The following RUNX2 variants were observed in gnomAD, a reference collection of about 807,000 sequenced individuals.
RUNX2 encodes the protein runt-related transcription factor 2.
Under a neutral mutation model 51.7 loss-of-function variants are expected in RUNX2, and 10 were observed. The observed-to-expected ratio is 0.19, with a 90% confidence interval of 0.12 to 0.33. The LOEUF is 0.33. RUNX2 is among the 10% of genes least tolerant of loss of function. RUNX2 has a pLI of 1.00. For missense variants in RUNX2, 562 were observed against 691.3 expected, an observed-to-expected ratio of 0.81 and a Z score of 2.10; for synonymous variants, 276 against 273.6, an observed-to-expected ratio of 1.01 and a Z score of -0.09.
chr6:45,390,631 A>T (rs1797450722), intron 2 of RUNX2, among the ~76,000 whole-genome samples: 1 of 152,234 alleles, frequency 6.6e-6, no homozygotes, highest in Non-Finnish European at 1.5e-5. Context: ...TGAGAAGGTT[A>T]GCAGTTAAAA....
rs1303711059 is a variant in RUNX2 at position 45,500,229 on chromosome 6, T to C, written c.859+8115T>C. ...ATATCTCAGGGCTTCACACAGAGAG[T>C]TGGTGTACATTGACTGTGCAGTATT... On this transcript the variant is annotated intron_variant, in intron 6 of 8. Transcript: ENST00000647337. Among the ~76,000 whole-genome samples the C allele has an allele frequency of 2.6e-5, 4 of 151,954 alleles. No individual in the cohort carries two copies. In the East Asian group the frequency reaches 7.7e-4, roughly 29 times the overall value.
intron 7 of RUNX2, among the ~76,000 whole-genome samples, chr6:45,539,797 G>A (rs1475958716): frequency 6.6e-6 from 1 of 152,158 alleles, no homozygotes; most frequent in Admixed American, 6.5e-5. Context: ...TATAAGGTAG[G>A]ATCTGGAAGA....
At chr6:45,369,252 T>A (rs991173800) in intron 2 of RUNX2, among the ~76,000 whole-genome samples, 3 of 152,060 alleles carry the variant, frequency 2.0e-5, no homozygotes, top group Non-Finnish European at 4.4e-5. Context: ...TTTGAACCTT[T>A]ACCCCTACAG....
chr6:45,406,925 A>G (rs1272491521), intron 2 of RUNX2, among the ~76,000 whole-genome samples: 1 of 152,194 alleles, frequency 6.6e-6, no homozygotes, highest in East Asian at 1.9e-4. Flanking sequence ...GCTTTATTAA[A>G]TACTGAGTAG....
At chr6:45,329,367 A>G (rs910592549) in intron 2 of RUNX2, among the ~76,000 whole-genome samples, 3 of 152,006 alleles carry the variant, frequency 2.0e-5, no homozygotes, top group South Asian at 2.1e-4. Flanking sequence ...ACAACTTTAT[A>G]TAAGTATACA....
chr6:45,345,681 T>C (rs1050720033), intron 2 of RUNX2, among the ~76,000 whole-genome samples: 6 of 152,160 alleles, frequency 3.9e-5, no homozygotes, highest in East Asian at 1.9e-4. Context: ...ACTACTACAA[T>C]AGGTCTTTCC....
intron 5 of RUNX2, among the ~76,000 whole-genome samples, chr6:45,459,607 A>G (rs550710346): frequency 6.6e-6 from 1 of 152,372 alleles, no homozygotes; most frequent in Admixed American, 6.5e-5. Context: ...CTGCCATATG[A>G]CAGACATTCT....
chr6:45,370,558 A>G (rs1795887967), intron 2 of RUNX2, among the ~76,000 whole-genome samples: 1 of 152,208 alleles, frequency 6.6e-6, no homozygotes, highest in African/African-American at 2.4e-5. Context: ...AATCAATATA[A>G]TAGAACTTTG....
chr6:45,414,826 G>A (rs1370966534), intron 2 of RUNX2, among the ~76,000 whole-genome samples: 1 of 117,670 alleles, frequency 8.5e-6, no homozygotes, highest in Non-Finnish European at 1.7e-5. Context: ...TTTTGCCCAG[G>A]ATTTTGTTTA....
chr6:45,541,471 T>A (rs1302674978), intron 7 of RUNX2, among the ~76,000 whole-genome samples: 1 of 152,196 alleles, frequency 6.6e-6, no homozygotes, highest in African/African-American at 2.4e-5. Context: ...AGGTCTTGTG[T>A]ATTACATGTT....
In RUNX2 at chr6:45,331,711, G is replaced by A. The variant is rs73735376; in HGVS notation, c.58+2927G>A. On this transcript the variant is annotated intron_variant, in intron 2 of 8. Transcript: ENST00000647337. ...ACACTGAAAAGAAATTGTGGAAAAA[G>A]ATCTGGCTGGTCTGTCTGACTCTCC... 7.2e-3 allele frequency among the ~76,000 whole-genome samples: 1,094 copies of A among 151,904 alleles called. 19 individuals are homozygous for A. Among genetic ancestry groups the A allele is most frequent in the African/African-American group, 0.025 (1,042 of 41,466 alleles).
chr6:45,387,033 A>G (rs920158685), intron 2 of RUNX2, among the ~76,000 whole-genome samples: 3 of 152,206 alleles, frequency 2.0e-5, no homozygotes, highest in Admixed American at 1.3e-4. Context: ...GCTAGAGTTA[A>G]GTCAATGGAG....
chr6:45,538,074 C>A (rs2150445211), intron 7 of RUNX2, among the ~76,000 whole-genome samples: 1 of 152,298 alleles, frequency 6.6e-6, no homozygotes, highest in Middle Eastern at 3.4e-3. Context: ...TTGTCCACTT[C>A]TTGTATTTCA....
intron 5 of RUNX2, among the ~76,000 whole-genome samples, chr6:45,479,241 A>G (rs1275572454): frequency 6.6e-6 from 1 of 152,230 alleles, no homozygotes; most frequent in African/African-American, 2.4e-5. Context: ...GGATTATCCC[A>G]TTCTTCCAGA....
intron 2 of RUNX2, among the ~76,000 whole-genome samples, chr6:45,412,047 C>T (rs2150357038): frequency 6.6e-6 from 1 of 151,988 alleles, no homozygotes; most frequent in East Asian, 1.9e-4. Flanking sequence ...AGGTAAAAAT[C>T]CGAATTAAAA....
chr6:45,483,871 A>G (rs898415673), intron 5 of RUNX2, among the ~76,000 whole-genome samples: 3 of 152,242 alleles, frequency 2.0e-5, no homozygotes, highest in African/African-American at 7.2e-5. Flanking sequence ...TGAGTAGAGC[A>G]CAAGCTGGGA....
At chr6:45,501,630 T>A (rs1180912833) in intron 6 of RUNX2, among the ~76,000 whole-genome samples, 1 of 152,256 alleles carries the variant, frequency 6.6e-6, no homozygotes, top group Non-Finnish European at 1.5e-5. Context: ...GCAGGCTTTT[T>A]AACTAGCTAT....
At chr6:45,410,650 G>T (rs1157252089) in intron 2 of RUNX2, among the ~76,000 whole-genome samples, 1 of 152,084 alleles carries the variant, frequency 6.6e-6, no homozygotes, top group Non-Finnish European at 1.5e-5. Context: ...CAATCGTGTG[G>T]TTCCAGATTT....
Position 45,547,950 on chromosome 6 carries a change from AG to A in RUNX2, c.*647del, listed in dbSNP as rs2150455119. ...AAAGTGACTTCAAAAATAACTGATC[AG>A]GATAGATTATTTTATTTTACTTTTT... On this transcript the variant is annotated 3_prime_UTR_variant, in exon 9 of 9. Transcript: ENST00000647337. 1 of 150,432 alleles carries A rather than the reference AG, an allele frequency of 6.6e-6. No individual in the cohort carries two copies. The highest frequency in any genetic ancestry group is 1.5e-5 in the Non-Finnish European group (1 of 67,974). The allele number at this position is 150,432 out of a possible 1,614,324, so 9.3% of individuals were successfully genotyped here.
Sources: allele counts gnomAD v4.1 joint callset (sites outside exome capture counted in the v4.1 genomes callset), GRCh38; gene constraint gnomAD v4.1.1; transcripts MANE v1.5; gene names NCBI Gene and HGNC (gene_info 2026-07-23, HGNC 2026-07-21).